RXFP1: variants seen among roughly 807,000 people sequenced by gnomAD.
RXFP1 encodes relaxin receptor 1.
In RXFP1, 73 loss-of-function variants were observed where a neutral mutation model predicts 89.8. The observed-to-expected ratio is 0.81, with a 90% CI of 0.67 to 0.99. The LOEUF is 0.99. Ranked by LOEUF, RXFP1 falls within the 50% of genes least tolerant of loss-of-function variation. The pLI is 0.00. For missense variants in RXFP1, 793 were observed against 895.5 expected, an observed-to-expected ratio of 0.89 and a Z score of 1.46; for synonymous variants, 277 against 305.5, an observed-to-expected ratio of 0.91 and a Z score of 0.97.
At chr4:158,559,885 C>T (rs1752087212) in intron 1 of RXFP1, among the ~76,000 whole-genome samples, 2 of 152,196 alleles carry the variant, frequency 1.3e-5, no homozygotes, top group South Asian at 4.1e-4. Context: ...AGAGAAACAT[C>T]AGAACTATGA....
At chr4:158,640,574 A>G (rs765166861) in intron 14 of RXFP1, among the ~76,000 whole-genome samples, 1 of 152,188 alleles carries the variant, frequency 6.6e-6, no homozygotes, top group Non-Finnish European at 1.5e-5. Context: ...GTGAAATAAT[A>G]GAAGGAGAAC....
chr4:158,582,729 A>G (rs1757619143), intron 2 of RXFP1, among the ~76,000 whole-genome samples: 1 of 152,136 alleles, frequency 6.6e-6, no homozygotes, highest in African/African-American at 2.4e-5. Flanking sequence ...TATGGCCTCT[A>G]CTTAGCAAAG....
intron 2 of RXFP1, among the ~76,000 whole-genome samples, chr4:158,587,209 G>A (rs935084707): frequency 3.9e-5 from 6 of 152,136 alleles, no homozygotes; most frequent in African/African-American, 1.4e-4. Flanking sequence ...ACCTTCACAA[G>A]CCCATTTCTC....
intron 6 of RXFP1, among the ~76,000 whole-genome samples, chr4:158,609,212 T>C (rs1171873266): frequency 6.6e-6 from 1 of 152,162 alleles, no homozygotes; most frequent in African/African-American, 2.4e-5. Flanking sequence ...GGGACTGTCA[T>C]TTGATTTGAT....
intron 11 of RXFP1, among the ~76,000 whole-genome samples, chr4:158,633,027 A>G (rs2150210095): frequency 6.6e-6 from 1 of 152,138 alleles, no homozygotes; most frequent in Middle Eastern, 3.4e-3. Context: ...AAAATTAGCC[A>G]GGCGTGGTAG....
In RXFP1 at chr4:158,612,129, G is replaced by T; in HGVS notation, c.537-1G>T. ...TATTGTAGTTATTTCTCCTTTTCCA[G>T]GTATCTCAGTCATAACAGAATAACC... On this transcript the variant is annotated splice_acceptor_variant, in intron 6 of 17. Coordinates refer to ENST00000307765, the MANE Select transcript of RXFP1 (RefSeq NM_021634.4). LOFTEE classifies it high-confidence loss of function. 1 of 1,595,506 alleles carries T rather than the reference G, an allele frequency of 6.3e-7. No individual in the cohort carries two copies. The highest frequency in any genetic ancestry group is 8.5e-7 in the Non-Finnish European group (1 of 1,172,788).
intron 2 of RXFP1, among the ~76,000 whole-genome samples, chr4:158,578,411 A>C (rs973101304): frequency 4.6e-4 from 70 of 152,236 alleles, no homozygotes; most frequent in African/African-American, 1.6e-3. Flanking sequence ...GATACCTGAG[A>C]GAATACATCT....
chr4:158,600,882 C>T (rs1008859114), intron 4 of RXFP1, among the ~76,000 whole-genome samples: 1 of 152,032 alleles, frequency 6.6e-6, no homozygotes, highest in South Asian at 2.1e-4. Flanking sequence ...AAATCATAAT[C>T]CTTCTCCACT....
At chr4:158,589,136 C>T (rs1045029620) in intron 2 of RXFP1, among the ~76,000 whole-genome samples, 10 of 151,994 alleles carry the variant, frequency 6.6e-5, no homozygotes, top group South Asian at 2.1e-4. Flanking sequence ...AGGGAGAAGC[C>T]CCTTATAAAA....
chr4:158,575,148 A>C (rs1755937877), intron 2 of RXFP1, among the ~76,000 whole-genome samples: 1 of 152,206 alleles, frequency 6.6e-6, no homozygotes, highest in South Asian at 2.1e-4. Flanking sequence ...CTCTAGCTTT[A>C]GTGCTAAGTT....
At chr4:158,528,167 C>T (rs1178311483) in intron 1 of RXFP1, among the ~76,000 whole-genome samples, 1 of 152,032 alleles carries the variant, frequency 6.6e-6, no homozygotes, top group Non-Finnish European at 1.5e-5. Flanking sequence ...ATGTTTGCAG[C>T]CAGGCCCAGA....
chr4:158,614,467 A>G (rs1369379480), intron 8 of RXFP1, among the ~76,000 whole-genome samples: 1 of 152,206 alleles, frequency 6.6e-6, no homozygotes, highest in African/African-American at 2.4e-5. Context: ...CAGCTTCTCT[A>G]TTAGTACTTC....
intron 1 of RXFP1, among the ~76,000 whole-genome samples, chr4:158,554,718 T>TAA (rs879357118): frequency 2.8e-5 from 4 of 144,542 alleles, no homozygotes; most frequent in Non-Finnish European, 4.6e-5. Context: ...GGCAATGATG[T>TAA]AAAAAAAAAA....
intron 14 of RXFP1, among the ~76,000 whole-genome samples, chr4:158,643,016 C>A (rs140956662): frequency 1.5e-3 from 234 of 152,226 alleles, no homozygotes; most frequent in Middle Eastern, 0.01. Context: ...GTATAGCATG[C>A]GAAGAAGCTG....
intron 1 of RXFP1, among the ~76,000 whole-genome samples, chr4:158,545,664 A>G (rs774800263): frequency 2.2e-4 from 34 of 152,212 alleles, no homozygotes; most frequent in African/African-American, 8.2e-4. Context: ...AGCTTTCTAC[A>G]TATGGCTAGC....
At chr4:158,572,619 A>G in intron 1 of RXFP1, 79 bp from the exon 2 acceptor site, 5 of 1,254,100 alleles carry the variant, frequency 4.0e-6, no homozygotes, top group Non-Finnish European at 4.6e-6. Flanking sequence ...TGATTATAAA[A>G]TATCAGGGAG....
chr4:158,533,748 A>G (rs1310748639), intron 1 of RXFP1, among the ~76,000 whole-genome samples: 1 of 152,104 alleles, frequency 6.6e-6, no homozygotes, highest in African/African-American at 2.4e-5. Flanking sequence ...AATTTTCCCT[A>G]CTTTTCTATT....
chr4:158,573,414 C>T (rs1755557617), intron 2 of RXFP1, among the ~76,000 whole-genome samples: 1 of 152,202 alleles, frequency 6.6e-6, no homozygotes, highest in Non-Finnish European at 1.5e-5. Flanking sequence ...CCGCAGCCTG[C>T]AGGCTGCATG....
chr4:158,628,359 A>T (rs904674685), intron 10 of RXFP1, among the ~76,000 whole-genome samples: 1 of 152,190 alleles, frequency 6.6e-6, no homozygotes, highest in African/African-American at 2.4e-5. Flanking sequence ...CAAGATATGC[A>T]GTCTGTATTC....
Sources: allele counts gnomAD v4.1 joint callset (sites outside exome capture counted in the v4.1 genomes callset), GRCh38; gene constraint gnomAD v4.1.1; transcripts MANE v1.5; gene names NCBI Gene and HGNC (gene_info 2026-07-23, HGNC 2026-07-21).